Variants in FRMPD4 observed in about 807,000 individuals in gnomAD.
FRMPD4 encodes the protein FERM and PDZ domain containing 4.
Under a neutral mutation model 94.1 loss-of-function variants are expected in FRMPD4, and 22 were observed. The observed-to-expected ratio is 0.23, with a 90% CI of 0.17 to 0.33. The LOEUF is 0.33. Among genes scored for constraint, FRMPD4 ranks in the 10% least tolerant of loss-of-function variants. The probability of loss-of-function intolerance (pLI) is 1.00; values close to 1 mark genes in which losing one functional copy is unlikely to be tolerated. For synonymous variants in FRMPD4, 631 were observed against 548.6 expected (o/e 1.15, Z -2.10); for missense variants, 1,111 against 1,339.9 (o/e 0.83, Z 2.67).
intron 1 of FRMPD4, among the ~76,000 whole-genome samples, chrX:12,307,708 A>G (rs974433503): frequency 6.4e-5 from 7 of 109,813 alleles, no homozygotes; most frequent in African/African-American, 1.7e-4. Context: ...CTGCATGTCT[A>G]TTGTCCTGCA....
intron 1 of FRMPD4, among the ~76,000 whole-genome samples, chrX:12,488,136 C>T (rs780105460): frequency 3.6e-5 from 4 of 111,600 alleles, no homozygotes; most frequent in African/African-American, 9.7e-5. Flanking sequence ...AACACCTGCT[C>T]TTTAGGGATT....
chrX:12,621,522 G>A (rs2059288157), intron 4 of FRMPD4, among the ~76,000 whole-genome samples: 1 of 87,779 alleles, frequency 1.1e-5, no homozygotes, highest in Non-Finnish European at 2.2e-5. Flanking sequence ...AAAATAAAAA[G>A]TTTAATAAAG....
rs1184028294 is a variant in FRMPD4 at position 12,347,553 on chromosome X, C to T, written c.42-151127C>T. ...GCCTGACCTTGAATTTTTAAAAGTA[C>T]CTTATAATATTGATATAAAAATTCA... On this transcript the variant is annotated intron_variant, in intron 1 of 16. Coordinates refer to ENST00000675598, the MANE Select transcript of FRMPD4 (RefSeq NM_001368397.1). Among the ~76,000 whole-genome samples, 4 of 111,640 alleles carry T rather than the reference C, an allele frequency of 3.6e-5. No homozygotes were observed. The East Asian group carries it at 1.1e-3, about 31-fold the overall frequency.
At chrX:12,412,256 C>A (rs753452875) in intron 1 of FRMPD4, among the ~76,000 whole-genome samples, 1 of 112,167 alleles carries the variant, frequency 8.9e-6, no homozygotes, top group Admixed American at 9.4e-5. Flanking sequence ...TTAGTTACTT[C>A]TCCCACACAA....
chrX:12,592,947 A>G (rs997137487), intron 2 of FRMPD4, among the ~76,000 whole-genome samples: 25 of 111,958 alleles, frequency 2.2e-4, no homozygotes, highest in African/African-American at 8.1e-4. Context: ...AATAGAGTCA[A>G]ATCTCTGGAA....
intron 3 of FRMPD4, among the ~76,000 whole-genome samples, chrX:12,063,084 A>G (rs779297980): frequency 4.0e-4 from 45 of 112,244 alleles, no homozygotes; most frequent in African/African-American, 1.4e-3. Flanking sequence ...CAAATTAAGA[A>G]TGCTACTAGG....
chrX:12,456,760 T>C (rs969949488), intron 1 of FRMPD4, among the ~76,000 whole-genome samples: 1 of 113,022 alleles, frequency 8.8e-6, no homozygotes, highest in African/African-American at 3.2e-5. Context: ...CAGTAGATAA[T>C]AAAAAAATTA....
intron 3 of FRMPD4, among the ~76,000 whole-genome samples, chrX:12,073,272 G>A (rs1215878291): frequency 3.6e-5 from 4 of 111,251 alleles, no homozygotes; most frequent in Non-Finnish European, 5.7e-5. Flanking sequence ...TCTGTAAAGG[G>A]CCAAATAGTA....
chrX:12,480,333 GA>G lies in FRMPD4; in HGVS notation c.42-18328del, dbSNP rs35074731. 1.6e-3 allele frequency among the ~76,000 whole-genome samples: 88 copies of G among 54,648 alleles called. 1 individual carries two copies. The East Asian group carries it at 0.024, about 15-fold the overall frequency. 47.5% of individuals were successfully genotyped at this position (54,648 alleles called of 115,157 possible). On this transcript the variant is annotated intron_variant, in intron 1 of 16. Coordinates refer to ENST00000675598, the MANE Select transcript of FRMPD4 (RefSeq NM_001368397.1). ...AGACACTACAGAAATGAAAAGAAAT[GA>G]AAAAAAAAAAAAAAAAAAGCAAAAT...
intron 1 of FRMPD4, among the ~76,000 whole-genome samples, chrX:12,420,971 T>TCAAA (rs1279431859): frequency 1.8e-5 from 2 of 112,781 alleles, no homozygotes; most frequent in African/African-American, 3.2e-5. Flanking sequence ...TTTTCCTTTG[T>TCAAA]CAAACAATCA....
At chrX:12,619,430 C>G (rs766596573) in intron 4 of FRMPD4, among the ~76,000 whole-genome samples, 1 of 112,010 alleles carries the variant, frequency 8.9e-6, no homozygotes, top group African/African-American at 3.2e-5. Context: ...TGGCAGCCAC[C>G]TATGGACAAA....
chrX:12,720,298 A>G (rs944770160), intron 16 of FRMPD4, among the ~76,000 whole-genome samples: 9 of 111,982 alleles, frequency 8.0e-5, no homozygotes, highest in African/African-American at 2.6e-4. Flanking sequence ...ACAATTCCAA[A>G]TGAATCAGCA....
chrX:12,528,938 C>G (rs2058256437), intron 2 of FRMPD4, among the ~76,000 whole-genome samples: 1 of 112,388 alleles, frequency 8.9e-6, no homozygotes, highest in African/African-American at 3.2e-5. Flanking sequence ...ATTTATCAAC[C>G]TACCCAGACT....
At chrX:12,332,200 A>AATTTATATTT (rs1227968903) in intron 1 of FRMPD4, among the ~76,000 whole-genome samples, 1 of 67,625 alleles carries the variant, frequency 1.5e-5, no homozygotes, top group African/African-American at 8.6e-5. Flanking sequence ...TTATATATAT[A>AATTTATATTT]TATATATAGA....
At chrX:11,983,312 G>A (rs1336285962) in intron 3 of FRMPD4, among the ~76,000 whole-genome samples, 2 of 111,849 alleles carry the variant, frequency 1.8e-5, no homozygotes, top group African/African-American at 3.2e-5. Context: ...GTGAAAGGGT[G>A]GTCTAGTATA....
intron 5 of FRMPD4, among the ~76,000 whole-genome samples, chrX:12,680,857 G>A (rs748025361): frequency 7.3e-5 from 8 of 110,174 alleles, no homozygotes; most frequent in Non-Finnish European, 1.1e-4. Flanking sequence ...ATAGCCCCAC[G>A]TTTACTGGCC....
intron 1 of FRMPD4, among the ~76,000 whole-genome samples, chrX:12,485,490 A>T (rs1386651721): frequency 8.9e-6 from 1 of 111,826 alleles, no homozygotes; most frequent in African/African-American, 3.2e-5. Context: ...GTAACCAAAG[A>T]TTAAGGACAA....
chrX:12,177,253 C>T (rs1452378778), intron 1 of FRMPD4, among the ~76,000 whole-genome samples: 1 of 112,234 alleles, frequency 8.9e-6, no homozygotes, highest in African/African-American at 3.2e-5. Context: ...ATCACTGAAG[C>T]AGGGTGGTAG....
At chrX:12,308,904 A>T (rs2054987737) in intron 1 of FRMPD4, among the ~76,000 whole-genome samples, 2 of 113,117 alleles carry the variant, frequency 1.8e-5, no homozygotes, top group Non-Finnish European at 3.7e-5. Flanking sequence ...GGCATGCGCC[A>T]AATGTCGAAA....
Sources: gnomAD v4.1 joint callset for allele counts (sites outside exome capture counted in the v4.1 genomes callset) on GRCh38, gnomAD v4.1.1 for gene constraint, MANE v1.5 for transcripts, NCBI Gene and HGNC (gene_info 2026-07-23, HGNC 2026-07-21) for gene names.